Variants in CSDE1 observed in about 807,000 individuals in gnomAD.
CSDE1 encodes the protein cold shock domain-containing protein E1.
A neutral mutation model predicts 89.3 loss-of-function variants in CSDE1; 17 were observed. The observed-to-expected ratio is 0.19, with a 90% CI of 0.13 to 0.29. CSDE1 has a LOEUF of 0.29. CSDE1 is among the 10% of genes least tolerant of loss of function. CSDE1 has a pLI of 1.00. For missense variants in CSDE1, 672 were observed against 984.2 expected, an observed-to-expected ratio of 0.68 and a Z score of 4.24; for synonymous variants, 322 against 332.8, an observed-to-expected ratio of 0.97 and a Z score of 0.35.
intron 1 of CSDE1, among the ~76,000 whole-genome samples, chr1:114,752,340 C>T (rs886951518): frequency 2.0e-5 from 3 of 152,102 alleles, no homozygotes; most frequent in African/African-American, 7.2e-5. Flanking sequence ...AGTTTTTAAT[C>T]CTGGCTATCC....
chr1:114,718,214 C>T lies in CSDE1; in HGVS notation c.2352G>A (p.Gly784=), dbSNP rs531344093. 1 of 1,613,922 alleles carries T rather than the reference C, an allele frequency of 6.2e-7. No homozygotes were observed. The highest frequency in any genetic ancestry group is 8.5e-7 in the Non-Finnish European group (1 of 1,179,930). Residue 784 remains glycine (G), a splice_region_variant and synonymous_variant, in exon 20 of 20, where the codon GGG becomes GGA. Transcript: ENST00000358528. ...RQPRGPDNSM[G]FGAERKIRQA... ...GACGGATCTTTCTTTCTGCACCAAACCCCTGTGGGGGGGAGAAAAAAAAAA... is the reference window on the plus strand; with the variant it reads ...GACGGATCTTTCTTTCTGCACCAAATCCCTGTGGGGGGGAGAAAAAAAAAA...
chr1:114,727,821 A>C (rs187847736), intron 12 of CSDE1: 2 of 152,202 alleles, frequency 1.3e-5, no homozygotes, highest in East Asian at 3.9e-4. Flanking sequence ...CACTTGACTA[A>C]AAAAATAAAA....
intron 1 of CSDE1, among the ~76,000 whole-genome samples, chr1:114,751,662 G>C (rs1362945569): frequency 1.3e-5 from 2 of 151,280 alleles, no homozygotes; most frequent in Non-Finnish European, 2.9e-5. Context: ...ATATGTCTCA[G>C]GGTAATGGTG....
At chr1:114,728,649 T>C (rs975528482) in intron 12 of CSDE1, among the ~76,000 whole-genome samples, 3 of 152,204 alleles carry the variant, frequency 2.0e-5, no homozygotes, top group African/African-American at 7.2e-5. Flanking sequence ...TTATTAAAAA[T>C]AAGCCCAACT....
Sources: gnomAD v4.1 joint callset for allele counts (sites outside exome capture counted in the v4.1 genomes callset) on GRCh38, gnomAD v4.1.1 for gene constraint, MANE v1.5 for transcripts, NCBI Gene and HGNC (gene_info 2026-07-23, HGNC 2026-07-21) for gene names.